Variants in RBPJ observed in about 807,000 individuals in gnomAD.
The protein encoded by RBPJ is recombination signal binding protein for immunoglobulin kappa J region, also known as recombining binding protein suppressor of hairless.
A neutral mutation model predicts 67.8 loss-of-function variants in RBPJ; 9 were observed. The observed-to-expected ratio is 0.13, with a 90% confidence interval of 0.08 to 0.23. The LOEUF (loss-of-function observed/expected upper bound fraction) is 0.23. RBPJ is among the 10% of genes least tolerant of loss of function. RBPJ has a pLI of 1.00. For synonymous variants in RBPJ, 198 were observed against 203.3 expected (o/e 0.97, Z 0.22); for missense variants, 305 against 595.6 (o/e 0.51, Z 5.08).
At chr4:26,344,396 G>A (rs1484802769) in intron 1 of RBPJ, among the ~76,000 whole-genome samples, 5 of 151,482 alleles carry the variant, frequency 3.3e-5, no homozygotes, top group African/African-American at 1.2e-4. Context: ...CATCACGCCC[G>A]GCTAATTTTT....
chr4:26,122,255 C>G, the RBPJ span, among the ~76,000 whole-genome samples: 1 of 152,184 alleles, frequency 6.6e-6, no homozygotes, highest in Non-Finnish European at 1.5e-5. Flanking sequence ...CACCCTAGAT[C>G]AAGCCATATC....
At chr4:26,251,393 T>C (rs1460229641) in intron 1 of RBPJ, among the ~76,000 whole-genome samples, 2 of 152,008 alleles carry the variant, frequency 1.3e-5, no homozygotes, top group African/African-American at 4.8e-5. Context: ...CCCAGCCCCA[T>C]GGGAGGCCGA....
intron 1 of RBPJ, among the ~76,000 whole-genome samples, chr4:26,165,683 GA>G (rs58616456): frequency 0.21 from 32,016 of 150,330 alleles, 4,554 homozygotes; most frequent in African/African-American, 0.41. Context: ...AGGGGGTCCA[GA>G]AAAAACATAT....
At chr4:26,308,132 C>A (rs1722298455) in intron 1 of RBPJ, among the ~76,000 whole-genome samples, 1 of 152,104 alleles carries the variant, frequency 6.6e-6, no homozygotes, top group South Asian at 2.1e-4. Flanking sequence ...AAAAATTAGC[C>A]GGGCGTGGTG....
chr4:26,353,238 T>A (rs1726990430), intron 1 of RBPJ, among the ~76,000 whole-genome samples: 1 of 152,236 alleles, frequency 6.6e-6, no homozygotes, highest in Non-Finnish European at 1.5e-5. Flanking sequence ...GTAACATGAT[T>A]TTCATTTATG....
At position 26,405,587 on chromosome 4, in the gene RBPJ, C is replaced by T. The variant is rs1368215915; in HGVS notation, c.60-588C>T. Among the ~76,000 whole-genome samples, 10 of 151,744 alleles carry T rather than the reference C, an allele frequency of 6.6e-5. No individual in the cohort carries two copies. In the East Asian group the frequency reaches 1.8e-3, roughly 27 times the overall value. On this transcript the variant is annotated intron_variant, in intron 2 of 10. Transcript: ENST00000355476. ...TTCAGATTTTCACCGATTTCAATTACTTTATTAAATTTTATTTATTTAATA... is the reference window on the plus strand; with the variant it reads ...TTCAGATTTTCACCGATTTCAATTATTTTATTAAATTTTATTTATTTAATA...
chr4:26,132,643 G>A, the RBPJ span, among the ~76,000 whole-genome samples: 2 of 152,170 alleles, frequency 1.3e-5, no homozygotes, highest in Admixed American at 1.3e-4. Flanking sequence ...AAACCCCTGG[G>A]TCTTCGCTGG....
At chr4:26,284,993 A>C (rs1721414226) in intron 1 of RBPJ, among the ~76,000 whole-genome samples, 1 of 151,880 alleles carries the variant, frequency 6.6e-6, no homozygotes, top group Admixed American at 6.6e-5. Context: ...AGTAGCTGGG[A>C]CTACAGGTGC....
chr4:26,196,690 A>C (rs1717776298), intron 1 of RBPJ, among the ~76,000 whole-genome samples: 1 of 152,182 alleles, frequency 6.6e-6, no homozygotes, highest in Non-Finnish European at 1.5e-5. Flanking sequence ...AAAATACATA[A>C]AAGTACAAAA....
At chr4:26,238,526 G>A (rs1341511064) in intron 1 of RBPJ, among the ~76,000 whole-genome samples, 1 of 152,126 alleles carries the variant, frequency 6.6e-6, no homozygotes, top group African/African-American at 2.4e-5. Context: ...ATAGTTGTAG[G>A]GTATCATCAT....
chr4:26,322,224 A>G (rs1306622273), intron 1 of RBPJ: 2 of 152,192 alleles, frequency 1.3e-5, no homozygotes, highest in Non-Finnish European at 2.9e-5. Context: ...AGGAGGCTCA[A>G]GATGTATATA....
At chr4:26,319,980 C>T (rs1452403482), upstream of RBPJ, 3 of 1,166,980 alleles carry the variant, frequency 2.6e-6, no homozygotes, top group East Asian at 2.5e-5. Flanking sequence ...GATCAGGCCG[C>T]CTGAAGCGCG....
chr4:26,312,384 G>T (rs979308980), intron 1 of RBPJ, among the ~76,000 whole-genome samples: 2 of 152,004 alleles, frequency 1.3e-5, no homozygotes, highest in African/African-American at 4.8e-5. Context: ...GCCTGCCTCG[G>T]CCTCCCAAAG....
the RBPJ span, among the ~76,000 whole-genome samples, chr4:26,154,180 G>C: frequency 6.6e-6 from 1 of 152,100 alleles, no homozygotes; most frequent in Non-Finnish European, 1.5e-5. Context: ...TCATAACACG[G>C]GGAACAGAAA....
rs71276617 is a variant in RBPJ at position 26,305,771 on chromosome 4, C to CTTTTTTTTTTTTTTTTTTTTTTTTT, written c.-166-56652_-166-56651insTTTTTTTTTTTTTTTTTTTTTTTTT. 1.3e-4 allele frequency among the ~76,000 whole-genome samples: 9 copies of CTTTTTTTTTTTTTTTTTTTTTTTTT among 67,770 alleles called. 2 individuals carry two copies. Among genetic ancestry groups the CTTTTTTTTTTTTTTTTTTTTTTTTT allele is most frequent in the East Asian group, 6.1e-4 (1 of 1,646 alleles). The allele number at this position is 67,770 out of a possible 152,430, so 44.5% of individuals were successfully genotyped here. On this transcript the variant is annotated intron_variant, in intron 1 of 4. Coordinates refer to the RBPJ transcript ENST00000512351. ...AGTGGAGTTCTTAGAATTTTCTTTT[C>CTTTTTTTTTTTTTTTTTTTTTTTTT]TTTTTTTTTTTTTTTTTTTTTTTCT...
chr4:26,372,653 C>T (rs1729283831), intron 1 of RBPJ, among the ~76,000 whole-genome samples: 1 of 152,218 alleles, frequency 6.6e-6, no homozygotes, highest in African/African-American at 2.4e-5. Context: ...AAGGCTTTCC[C>T]TCCTATACTA....
chr4:26,280,851 T>C (rs1476734685), intron 1 of RBPJ, among the ~76,000 whole-genome samples: 1 of 152,224 alleles, frequency 6.6e-6, no homozygotes, highest in African/African-American at 2.4e-5. Context: ...TAAAACTTTT[T>C]TTTTCATGTT....
the RBPJ span, among the ~76,000 whole-genome samples, chr4:26,133,431 A>G: frequency 6.6e-6 from 1 of 152,164 alleles, no homozygotes; most frequent in South Asian, 2.1e-4. Flanking sequence ...CAAACAAAAA[A>G]CTGAGACTCA....
chr4:26,309,630 CA>C (rs1214732017), intron 1 of RBPJ, among the ~76,000 whole-genome samples: 1 of 152,204 alleles, frequency 6.6e-6, no homozygotes, highest in African/African-American at 2.4e-5. Context: ...ATTCATACCA[CA>C]GCTGCTTTTT....
Sources: gnomAD v4.1 joint callset for allele counts (sites outside exome capture counted in the v4.1 genomes callset) on GRCh38, gnomAD v4.1.1 for gene constraint, MANE v1.5 for transcripts, NCBI Gene and HGNC (gene_info 2026-07-23, HGNC 2026-07-21) for gene names.